CREBBP: variants seen among roughly 807,000 people sequenced by gnomAD.
CREBBP encodes the protein CREB-binding protein.
CREBBP carries 19 observed loss-of-function variants against 265.0 expected under a neutral mutation model. That is an observed-to-expected ratio of 0.07 (90% CI 0.05 to 0.11). CREBBP has a LOEUF of 0.11. CREBBP is among the 10% of genes least tolerant of loss of function. CREBBP has a pLI of 1.00. For synonymous variants in CREBBP, 1,457 were observed against 1,223.7 expected (o/e 1.19, Z -3.98); for missense variants, 2,525 against 3,219.0 (o/e 0.78, Z 5.22).
intron 1 of CREBBP, among the ~76,000 whole-genome samples, chr16:3,853,731 G>A (rs1207117351): frequency 6.6e-6 from 1 of 152,018 alleles, no homozygotes; most frequent in Non-Finnish European, 1.5e-5. Context: ...GAGGTCAGGA[G>A]TTCAAGACCA....
chr16:3,726,396 T>C lies in CREBBP; in HGVS notation c.*1322A>G, dbSNP rs1228852717. ...CAATCACCTGTGAGCCTCGAATGTG[T>C]GGGGCCAACGCTGAGCCGCCCACCT... is the stretch of plus-strand genomic sequence containing the variant. On this transcript the variant is annotated 3_prime_UTR_variant, in exon 31 of 31. Transcript: ENST00000262367. 2 of 232,984 alleles carry C rather than the reference T, an allele frequency of 8.6e-6. No homozygotes were observed. Among genetic ancestry groups the C allele is most frequent in the African/African-American group, 4.4e-5 (2 of 45,210 alleles). 14.4% of individuals were successfully genotyped at this position (232,984 alleles called of 1,614,324 possible). A position where few individuals can be genotyped will look rare whatever the true frequency, so the allele number is the denominator to read the frequency against.
Position 3,770,663 on chromosome 16 carries a change from C to T in CREBBP, c.2787G>A (p.Gln929=), listed in dbSNP as rs2052980215. Residue 929 remains glutamine (Q), a synonymous_variant, in exon 14 of 31, where the codon CAG becomes CAA. Transcript: ENST00000262367. ...ACGGGGGCTGAACTGGGGTTTGAGG[C>T]TGCGGGGTCACCTGGGCCTGGGCTG... ...QAAAQAQVTP[Q]PQTPVQPPSV... 1 of 1,613,872 alleles carries T rather than the reference C, an allele frequency of 6.2e-7. No homozygotes were observed. The highest frequency in any genetic ancestry group is 8.5e-7 in the Non-Finnish European group (1 of 1,180,008).
intron 2 of CREBBP, among the ~76,000 whole-genome samples, chr16:3,841,729 T>C (rs1289585434): frequency 6.6e-6 from 1 of 152,222 alleles, no homozygotes; most frequent in African/African-American, 2.4e-5. Context: ...TTGGTTCTAT[T>C]AATTCTTTAC....
chr16:3,868,539 G>A (rs945430054), intron 1 of CREBBP, among the ~76,000 whole-genome samples: 3 of 151,908 alleles, frequency 2.0e-5, no homozygotes, highest in Non-Finnish European at 2.9e-5. Context: ...TGTTTTATAA[G>A]CCCTAAAAAA....
At chr16:3,784,394 C>T (rs748366644) in intron 5 of CREBBP, 1 of 152,188 alleles carries the variant, frequency 6.6e-6, no homozygotes, top group African/African-American at 2.4e-5. Flanking sequence ...TGAAAAGCAA[C>T]TCCCAAGGTG....
chr16:3,737,958 T>C (rs2052110012), intron 26 of CREBBP, among the ~76,000 whole-genome samples: 1 of 151,838 alleles, frequency 6.6e-6, no homozygotes, highest in South Asian at 2.1e-4. Context: ...CGGCTAACTT[T>C]TGTATTTTTA....
intron 1 of CREBBP, among the ~76,000 whole-genome samples, chr16:3,852,271 C>T (rs910923952): frequency 2.0e-5 from 3 of 147,442 alleles, no homozygotes; most frequent in African/African-American, 7.5e-5. Context: ...CGGGTTCACG[C>T]CACTGTCCTG....
At chr16:3,857,296 T>C (rs151123897) in intron 1 of CREBBP, among the ~76,000 whole-genome samples, 1 of 152,174 alleles carries the variant, frequency 6.6e-6, no homozygotes, top group African/African-American at 2.4e-5. Flanking sequence ...TACCAGCTGT[T>C]TGGGTGAAGG....
intron 15 of CREBBP, 146 bp downstream of exon 15, chr16:3,769,028 C>A: frequency 9.7e-6 from 8 of 828,444 alleles, no homozygotes; most frequent in East Asian, 2.8e-5. Flanking sequence ...CAATCAATTT[C>A]CTATACACCA....
chr16:3,826,906 G>C (rs961672659), intron 2 of CREBBP, among the ~76,000 whole-genome samples: 15 of 152,268 alleles, frequency 9.9e-5, no homozygotes, highest in Non-Finnish European at 1.9e-4. Flanking sequence ...AAAGGTAAGA[G>C]GCTAACAATA....
At chr16:3,869,090 T>C (rs1343386996) in intron 1 of CREBBP, among the ~76,000 whole-genome samples, 1 of 152,184 alleles carries the variant, frequency 6.6e-6, no homozygotes, top group Non-Finnish European at 1.5e-5. Context: ...TCCCTCTGCC[T>C]GGAACAGTAC....
At chr16:3,774,321 T>G (rs1164383415) in intron 12 of CREBBP, among the ~76,000 whole-genome samples, 1 of 152,210 alleles carries the variant, frequency 6.6e-6, no homozygotes, top group Non-Finnish European at 1.5e-5. Context: ...TTCTCCAGCC[T>G]TGGAACTCCC....
intron 1 of CREBBP, among the ~76,000 whole-genome samples, chr16:3,875,433 G>A (rs556015006): frequency 2.6e-5 from 4 of 152,186 alleles, no homozygotes; most frequent in South Asian, 4.1e-4. Flanking sequence ...TTCTCCCTGA[G>A]GTAAACAGGA....
intron 3 of CREBBP, among the ~76,000 whole-genome samples, chr16:3,806,569 G>A (rs1238578111): frequency 2.0e-5 from 3 of 151,998 alleles, no homozygotes; most frequent in Non-Finnish European, 4.4e-5. Flanking sequence ...CTCAGTCTAA[G>A]ACGTATCCCA....
rs755099785 is a variant in CREBBP at position 3,782,666 on chromosome 16, G to A, written c.1573+18C>T. The A allele has an allele frequency of 1.9e-6, 3 of 1,613,510 alleles. No homozygotes were observed. Among genetic ancestry groups the A allele is most frequent in the Admixed American group, 1.7e-5 (1 of 59,968 alleles). On this transcript the variant is annotated intron_variant, in intron 6 of 30. Coordinates refer to ENST00000262367, the MANE Select transcript of CREBBP (RefSeq NM_004380.3). ...CATGTGGACAAGTAAGAACGAAGTTGAGAGTTCCTTCACCTACCCAGGGGG... is the reference window on the plus strand; with the variant it reads ...CATGTGGACAAGTAAGAACGAAGTTAAGAGTTCCTTCACCTACCCAGGGGG...
chr16:3,752,903 T>C (rs2052506382), intron 19 of CREBBP, among the ~76,000 whole-genome samples: 1 of 152,150 alleles, frequency 6.6e-6, no homozygotes, highest in Non-Finnish European at 1.5e-5. Context: ...TACTAAATGT[T>C]TGGAAAGGAC....
intron 5 of CREBBP, among the ~76,000 whole-genome samples, chr16:3,783,599 T>TTGAC (rs1310612962): frequency 2.6e-5 from 4 of 152,236 alleles, no homozygotes; most frequent in African/African-American, 9.6e-5. Context: ...ACTTGATTGA[T>TTGAC]TGACTGACTG....
chr16:3,843,716 G>A (rs910527363), intron 2 of CREBBP, among the ~76,000 whole-genome samples: 6 of 151,850 alleles, frequency 4.0e-5, no homozygotes, highest in South Asian at 2.1e-4. Flanking sequence ...CACCACGCCC[G>A]GCACTATTGT....
At chr16:3,805,811 T>C (rs2053817705) in intron 3 of CREBBP, among the ~76,000 whole-genome samples, 2 of 152,212 alleles carry the variant, frequency 1.3e-5, no homozygotes, top group Admixed American at 6.5e-5. Context: ...TTTCATGATC[T>C]TTATTCCACA....
Sources: allele counts gnomAD v4.1 joint callset (sites outside exome capture counted in the v4.1 genomes callset), GRCh38; gene constraint gnomAD v4.1.1; transcripts MANE v1.5; gene names NCBI Gene and HGNC (gene_info 2026-07-23, HGNC 2026-07-21).